NCOA2: variants seen among roughly 807,000 people sequenced by gnomAD.
NCOA2 encodes nuclear receptor coactivator 2.
NCOA2 carries 21 observed loss-of-function variants against 145.1 expected under a neutral mutation model. That is an observed-to-expected ratio of 0.14 (90% confidence interval 0.10 to 0.21). The LOEUF (loss-of-function observed/expected upper bound fraction) is 0.21. NCOA2 is among the 10% of genes least tolerant of loss of function. The probability of loss-of-function intolerance (pLI) is 1.00; values close to 1 mark genes in which losing one functional copy is unlikely to be tolerated. For missense variants in NCOA2, 1,472 were observed against 1,837.6 expected (o/e 0.80, Z 3.64); for synonymous variants, 619 against 637.5 (o/e 0.97, Z 0.44).
chr8:70,382,304 G>A (rs1471759997), intron 1 of NCOA2, among the ~76,000 whole-genome samples: 1 of 151,838 alleles, frequency 6.6e-6, no homozygotes, highest in African/African-American at 2.4e-5. Flanking sequence ...GCAGGCAGAC[G>A]GCTTTTTGAC....
intron 4 of NCOA2, among the ~76,000 whole-genome samples, chr8:70,181,883 GA>G: frequency 6.6e-6 from 1 of 152,192 alleles, no homozygotes; most frequent in East Asian, 1.9e-4. Context: ...GCAGAGCAAA[GA>G]AGTCACTGAA....
At chr8:70,424,537 G>C in the NCOA2 span, 2 of 528,272 alleles carry the variant, frequency 3.8e-6, no homozygotes, top group African/African-American at 1.9e-5. Flanking sequence ...TTGAGTACTC[G>C]CAAAATATGC....
chr8:70,398,670 G>A (rs537122309), intron 1 of NCOA2, among the ~76,000 whole-genome samples: 19 of 152,110 alleles, frequency 1.2e-4, no homozygotes, highest in South Asian at 4.1e-4. Context: ...AACCAGTTGC[G>A]AGTAACTTCT....
chr8:70,141,729 C>A (rs944268448), intron 13 of NCOA2, among the ~76,000 whole-genome samples: 10 of 152,142 alleles, frequency 6.6e-5, no homozygotes, highest in African/African-American at 2.4e-4. Flanking sequence ...CTGATATACA[C>A]GTCAATGCTT....
chr8:70,428,065 C>T, the NCOA2 span, among the ~76,000 whole-genome samples: 1 of 151,754 alleles, frequency 6.6e-6, no homozygotes, highest in Non-Finnish European at 1.5e-5. Flanking sequence ...ATTAAAATGA[C>T]ATACAAATAA....
At chr8:70,407,304 G>C (rs1254603120), upstream of NCOA2, among the ~76,000 whole-genome samples, 2 of 152,144 alleles carry the variant, frequency 1.3e-5, no homozygotes, top group African/African-American at 2.4e-5. Flanking sequence ...TCTAATATAA[G>C]TCAAGCATAT....
At chr8:70,445,919 G>A in the NCOA2 span, among the ~76,000 whole-genome samples, 2 of 152,124 alleles carry the variant, frequency 1.3e-5, no homozygotes, top group African/African-American at 4.8e-5. Context: ...TGGAAGGGTC[G>A]GAGAGAGCAC....
chr8:70,122,447 G>C (rs117321703), intron 21 of NCOA2, among the ~76,000 whole-genome samples: 6,877 of 150,540 alleles, frequency 0.046, 261 homozygotes, highest in East Asian at 0.16. Flanking sequence ...TTCAGAGACA[G>C]AGTCTTACTA....
intron 2 of NCOA2, among the ~76,000 whole-genome samples, chr8:70,227,845 T>A (rs979264342): frequency 7.2e-5 from 11 of 151,814 alleles, no homozygotes; most frequent in African/African-American, 2.7e-4. Flanking sequence ...TGAAACCCCA[T>A]CTCTACAAAA....
At chr8:70,316,231 C>T (rs1316108397) in intron 1 of NCOA2, among the ~76,000 whole-genome samples, 1 of 152,154 alleles carries the variant, frequency 6.6e-6, no homozygotes, top group African/African-American at 2.4e-5. Context: ...AGTCAAAGCA[C>T]CATATGGCTG....
intron 14 of NCOA2, 107 bp from the exon 15 acceptor site, chr8:70,138,439 G>A: frequency 2.7e-6 from 3 of 1,115,152 alleles, no homozygotes; most frequent in Non-Finnish European, 3.7e-6. Context: ...GGAAAACACA[G>A]AAGCAGTAAT....
the NCOA2 span, among the ~76,000 whole-genome samples, chr8:70,418,905 C>A: frequency 6.6e-6 from 1 of 152,014 alleles, no homozygotes; most frequent in Non-Finnish European, 1.5e-5. Flanking sequence ...TGCAAAAAAA[C>A]ATATTTATAA....
Position 70,111,980 on chromosome 8 carries a change from C to T in NCOA2, c.*1652G>A, listed in dbSNP as rs187651541. The T allele has an allele frequency of 9.1e-6, 2 of 220,906 alleles. No individual in the cohort carries two copies. The highest frequency in any genetic ancestry group is 4.5e-5 in the African/African-American group (2 of 44,752). 13.7% of individuals were successfully genotyped at this position (220,906 alleles called of 1,614,324 possible). ...ATCAGTTTCTTGGTATTGGAGTTGT[C>T]TGAAACTGACACCTATTAATAAAAG... On this transcript the variant is annotated 3_prime_UTR_variant, in exon 23 of 23. Transcript: ENST00000452400.
At chr8:70,122,587 T>C (rs978407546) in intron 21 of NCOA2, among the ~76,000 whole-genome samples, 2 of 152,218 alleles carry the variant, frequency 1.3e-5, no homozygotes, top group Non-Finnish European at 2.9e-5. Flanking sequence ...GTCTGCTTAA[T>C]GTATCCAAAT....
chr8:70,296,504 C>T (rs999960386), intron 2 of NCOA2, among the ~76,000 whole-genome samples: 1 of 152,146 alleles, frequency 6.6e-6, no homozygotes. Context: ...ATAATGTAAA[C>T]TCATCCCAAA....
the NCOA2 span, among the ~76,000 whole-genome samples, chr8:70,409,334 T>C: frequency 4.6e-5 from 7 of 152,300 alleles, no homozygotes; most frequent in East Asian, 1.3e-3. Context: ...TAAGACAGTG[T>C]GATATTGGTG....
intron 1 of NCOA2, among the ~76,000 whole-genome samples, chr8:70,332,168 A>G (rs1259116516): frequency 1.3e-5 from 2 of 152,202 alleles, no homozygotes; most frequent in African/African-American, 4.8e-5. Context: ...GCTTGTAGCT[A>G]AAACTGGACA....
At chr8:70,115,513 C>CA (rs1806996134) in intron 22 of NCOA2, among the ~76,000 whole-genome samples, 1 of 152,176 alleles carries the variant, frequency 6.6e-6, no homozygotes, top group South Asian at 2.1e-4. Flanking sequence ...AAGGATTAAA[C>CA]AAAATGATGC....
At chr8:70,325,807 T>G (rs553097241) in intron 1 of NCOA2, among the ~76,000 whole-genome samples, 36 of 152,316 alleles carry the variant, frequency 2.4e-4, no homozygotes, top group African/African-American at 8.7e-4. Context: ...CCCAGAATCT[T>G]TCACATGGGT....
Sources: allele counts gnomAD v4.1 joint callset (sites outside exome capture counted in the v4.1 genomes callset), GRCh38; gene constraint gnomAD v4.1.1; transcripts MANE v1.5; gene names NCBI Gene and HGNC (gene_info 2026-07-23, HGNC 2026-07-21).